FABP6: variants seen among roughly 807,000 people sequenced by gnomAD.
FABP6 encodes the protein fatty acid binding protein 6.
Under a neutral mutation model 14.9 loss-of-function variants are expected in FABP6, and 13 were observed. That is an observed-to-expected ratio of 0.87 (90% CI 0.57 to 1.39). The LOEUF is 1.39. FABP6 is among the 40% of genes most tolerant of loss of function. The probability of loss-of-function intolerance (pLI) is 0.00; values close to 1 mark genes in which losing one functional copy is unlikely to be tolerated. For missense variants in FABP6, 161 were observed against 167.2 expected, an observed-to-expected ratio of 0.96 and a Z score of 0.20; for synonymous variants, 75 against 63.6, an observed-to-expected ratio of 1.18 and a Z score of -0.85.
At chr5:160,198,030 G>T (rs1469038764) in intron 1 of FABP6, 2 of 153,906 alleles carry the variant, frequency 1.3e-5, no homozygotes, top group Non-Finnish European at 2.9e-5. Context: ...GCTGGAGAGG[G>T]AAGGGAGAAG....
chr5:160,229,717 A>T, intron 1 of FABP6, 93 bp downstream of exon 1: 1 of 1,144,896 alleles, frequency 8.7e-7, no homozygotes, highest in South Asian at 1.4e-5. Flanking sequence ...ACAGGATTTC[A>T]TCCATTCATT....
intron 2 of FABP6, among the ~76,000 whole-genome samples, chr5:160,233,355 G>A (rs1760434653): frequency 6.6e-6 from 1 of 152,044 alleles, no homozygotes; most frequent in Non-Finnish European, 1.5e-5. Context: ...AGCCTTGGCT[G>A]GGTTTGAAAC....
intron 1 of FABP6, among the ~76,000 whole-genome samples, chr5:160,192,011 C>T (rs1309084982): frequency 6.6e-6 from 1 of 151,946 alleles, no homozygotes; most frequent in Non-Finnish European, 1.5e-5. Context: ...AAATCCTGGG[C>T]TCAAGCAGTT....
intron 2 of FABP6, among the ~76,000 whole-genome samples, chr5:160,201,327 C>T (rs1237223340): frequency 2.7e-5 from 4 of 150,254 alleles, no homozygotes; most frequent in Non-Finnish European, 5.9e-5. Context: ...CACTGCACTC[C>T]AGCCTGGGCA....
chr5:160,204,372 C>T (rs1431332638), intron 2 of FABP6, among the ~76,000 whole-genome samples: 2 of 152,030 alleles, frequency 1.3e-5, no homozygotes, highest in African/African-American at 4.8e-5. Context: ...TAAAAAAGCT[C>T]ACTATGGAGA....
At chr5:160,204,106 C>G (rs1759705881) in intron 2 of FABP6, among the ~76,000 whole-genome samples, 1 of 150,646 alleles carries the variant, frequency 6.6e-6, no homozygotes, top group Non-Finnish European at 1.5e-5. Flanking sequence ...GCCACCACAC[C>G]CCAGCCTAGG....
intron 3 of FABP6, among the ~76,000 whole-genome samples, chr5:160,214,198 C>T (rs1037929993): frequency 2.7e-5 from 4 of 150,768 alleles, no homozygotes; most frequent in Non-Finnish European, 5.9e-5. Flanking sequence ...GGGTCTCATT[C>T]TGTCACCCAG....
At chr5:160,192,661 G>C (rs1759420264) in intron 1 of FABP6, among the ~76,000 whole-genome samples, 1 of 152,258 alleles carries the variant, frequency 6.6e-6, no homozygotes, top group South Asian at 2.1e-4. Context: ...CAGAGACACA[G>C]GCTCAGTCCT....
intron 3 of FABP6, among the ~76,000 whole-genome samples, chr5:160,217,500 G>T (rs10064225): frequency 2.6e-4 from 40 of 152,246 alleles, no homozygotes; most frequent in African/African-American, 9.6e-4. Flanking sequence ...GAAGCTGCAC[G>T]GCCAGCCTGC....
At chr5:160,209,054 G>A (rs13355706) in intron 2 of FABP6, among the ~76,000 whole-genome samples, 31,456 of 150,768 alleles carry the variant, frequency 0.21, 3,404 homozygotes, top group South Asian at 0.26. Flanking sequence ...GCGATTACAG[G>A]CGTGAGCCAC....
intron 3 of FABP6, among the ~76,000 whole-genome samples, chr5:160,217,670 T>C (rs1760040379): frequency 6.6e-6 from 1 of 152,180 alleles, no homozygotes; most frequent in Non-Finnish European, 1.5e-5. Context: ...AGAATCTCTC[T>C]CTGTTGCCCA....
chr5:160,231,939 G>A, intron 1 of FABP6, 159 bp from the exon 2 acceptor site: 2 of 723,468 alleles, frequency 2.8e-6, no homozygotes, highest in South Asian at 2.0e-5. Flanking sequence ...ATGGCTCACA[G>A]CACGTATTAG....
Position 160,238,671 on chromosome 5 carries a change from C to T in FABP6, c.*12C>T, listed in dbSNP as rs764917946. The T allele has an allele frequency of 2.2e-5, 35 of 1,613,376 alleles. No individual in the cohort carries two copies. Among genetic ancestry groups the T allele is most frequent in the African/African-American group, 5.3e-5 (4 of 74,914 alleles). On this transcript the variant is annotated 3_prime_UTR_variant, in exon 4 of 4. Transcript: ENST00000402432. ...AGAGACTGGCCTAAGCAGCCAGGCC[C>T]GGCCCAGGGAGCTACAAACCCACCA... is the stretch of plus-strand genomic sequence containing the variant.
intron 1 of FABP6, among the ~76,000 whole-genome samples, chr5:160,195,083 G>C (rs947513177): frequency 2.6e-5 from 4 of 152,026 alleles, no homozygotes; most frequent in South Asian, 2.1e-4. Context: ...TCAAGAGTTT[G>C]AGACCAGCCT....
chr5:160,210,112 A>T (rs949933176), intron 2 of FABP6, among the ~76,000 whole-genome samples: 2 of 152,174 alleles, frequency 1.3e-5, no homozygotes, highest in African/African-American at 4.8e-5. Flanking sequence ...AAGGGCTCTG[A>T]CCTCAAGAAA....
At chr5:160,205,835 C>T (rs1759753757) in intron 2 of FABP6, among the ~76,000 whole-genome samples, 1 of 152,084 alleles carries the variant, frequency 6.6e-6, no homozygotes, top group Admixed American at 6.6e-5. Context: ...GTGGAAATGA[C>T]CCAGGGCCTC....
chr5:160,229,821 TTTTTA>T (rs200570698), intron 1 of FABP6, among the ~76,000 whole-genome samples, 197 bp downstream of exon 1: 8,839 of 127,760 alleles, frequency 0.069, 365 homozygotes, highest in Non-Finnish European at 0.077. Flanking sequence ...CTCTTTAACT[TTTTTA>T]TTTTATTTTA....
At chr5:160,232,981 C>G (rs1760424683) in intron 2 of FABP6, among the ~76,000 whole-genome samples, 1 of 65,278 alleles carries the variant, frequency 1.5e-5, no homozygotes, top group African/African-American at 7.1e-5. Flanking sequence ...CACTAGAGAG[C>G]ATAAGTGTTT....
intron 1 of FABP6, among the ~76,000 whole-genome samples, chr5:160,190,652 T>C (rs1263562211): frequency 6.6e-6 from 1 of 152,170 alleles, no homozygotes; most frequent in Non-Finnish European, 1.5e-5. Flanking sequence ...GAGTAACCAG[T>C]TGCATGGGCC....
Sources: gnomAD v4.1 joint callset for allele counts (sites outside exome capture counted in the v4.1 genomes callset) on GRCh38, gnomAD v4.1.1 for gene constraint, MANE v1.5 for transcripts, NCBI Gene and HGNC (gene_info 2026-07-23, HGNC 2026-07-21) for gene names.